RNF167: variants seen among roughly 807,000 people sequenced by gnomAD.
RNF167 encodes the protein E3 ubiquitin-protein ligase RNF167.
A neutral mutation model predicts 34.8 loss-of-function variants in RNF167; 19 were observed. That is an observed-to-expected ratio of 0.55 (90% CI 0.38 to 0.80). RNF167 has a LOEUF of 0.80. Ranked by LOEUF, RNF167 falls within the 30% of genes least tolerant of loss-of-function variation. The pLI is 0.00. For missense variants in RNF167, 464 were observed against 447.0 expected, an observed-to-expected ratio of 1.04 and a Z score of -0.34; for synonymous variants, 200 against 170.4, an observed-to-expected ratio of 1.17 and a Z score of -1.35.
intron 3 of RNF167, among the ~76,000 whole-genome samples, chr17:4,942,060 G>A (rs1034447269): frequency 1.3e-5 from 2 of 152,152 alleles, no homozygotes; most frequent in Admixed American, 6.5e-5. Flanking sequence ...ATATTAGAAG[G>A]CAAAAATAAT....
In RNF167 at chr17:4,940,688, G is replaced by A; in HGVS notation, c.-222G>A. 1 of 447,238 alleles carries A rather than the reference G, an allele frequency of 2.2e-6. No individual in the cohort carries two copies. Among genetic ancestry groups the A allele is most frequent in the Non-Finnish European group, 4.0e-6 (1 of 252,756 alleles). The allele number at this position is 447,238 out of a possible 1,614,324, so 27.7% of individuals were successfully genotyped here. On this transcript the variant is annotated 5_prime_UTR_variant, in exon 2 of 10. Transcript: ENST00000262482. ...CGCGTTTTATCCCCGTACCAGAAAA[G>A]GATACATTTAGTGCCTCCCACCCAG...
chr17:4,942,644 T>G lies in RNF167; in HGVS notation c.359T>G (p.Leu120Arg), dbSNP rs1319038206. 1.9e-6 allele frequency: 3 copies of G among 1,614,206 alleles called. No homozygotes were observed. Among genetic ancestry groups the G allele is most frequent in the Non-Finnish European group, 2.5e-6 (3 of 1,180,036 alleles). ...VVHNVNSNEL[L>R]NMVWNSEEIQ... ...CACAATGTGAATTCCAATGAACTTC[T>G]GAACATGGTGTGGAATAGTGGTAAG... The change falls in exon 5 of 10, where the codon CTG (leucine) becomes CGG (arginine). Residue 120 changes from leucine (L) to arginine (R), a missense_variant. Coordinates refer to ENST00000262482, the MANE Select transcript of RNF167 (RefSeq NM_015528.3).
chr17:4,941,200 C>T, intron 3 of RNF167, 43 bp downstream of exon 3: 1 of 1,520,002 alleles, frequency 6.6e-7, no homozygotes, highest in Non-Finnish European at 9.1e-7. Flanking sequence ...TCCCTTCCTT[C>T]CTTTTCTGTC....
intron 9 of RNF167, 34 bp from the exon 10 acceptor site, chr17:4,944,681 G>GCCACCAGGTGCTTCACCTTGTT: frequency 6.2e-7 from 1 of 1,614,140 alleles, no homozygotes; most frequent in East Asian, 2.2e-5. Context: ...GCCACCAGCA[G>GCCACCAGGTGCTTCACCTTGTT]CCACCAGGTG....
chr17:4,943,121 C>G lies in RNF167; in HGVS notation c.471-58C>G, dbSNP rs2151124291. On this transcript the variant is annotated intron_variant, in intron 6 of 9. Transcript: ENST00000262482. ...TTGTCCAGAGCCAGTTACTTTGTCCCTCTTTTTTTCTCCCTTTGCCTTTCT... is the reference window on the plus strand; with the variant it reads ...TTGTCCAGAGCCAGTTACTTTGTCCGTCTTTTTTTCTCCCTTTGCCTTTCT... 4.7e-6 allele frequency: 7 copies of G among 1,493,800 alleles called. No homozygotes were observed. In the South Asian group the frequency reaches 8.0e-5, roughly 17 times the overall value. The allele number at this position is 1,493,800 out of a possible 1,614,324, so 92.5% of individuals were successfully genotyped here. A position where few individuals can be genotyped will look rare whatever the true frequency, so the allele number is the denominator to read the frequency against.
Position 4,944,695 on chromosome 17 carries a change from C to T in RNF167, c.752-20C>T. 2.5e-6 allele frequency: 4 copies of T among 1,614,148 alleles called. No homozygotes were observed. The highest frequency in any genetic ancestry group is 3.4e-6 in the Non-Finnish European group (4 of 1,180,026). ...TGCCACCAGCAGCCACCAGGTGCTT[C>T]ACCTTGTTCCTCTCTGCAGCCTACC... On this transcript the variant is annotated intron_variant, in intron 9 of 9. Coordinates refer to ENST00000262482, the MANE Select transcript of RNF167 (RefSeq NM_015528.3).
chr17:4,943,305 G>A (rs1177928818), intron 7 of RNF167, 21 bp downstream of exon 7: 4 of 1,608,830 alleles, frequency 2.5e-6, no homozygotes, highest in Non-Finnish European at 2.6e-6. Context: ...GAGGGAACAT[G>A]ATGGGAAGCA....
At chr17:4,942,970 C>T (rs992168534) in intron 6 of RNF167, 29 bp downstream of exon 6, 3 of 1,603,010 alleles carry the variant, frequency 1.9e-6, no homozygotes, top group Admixed American at 3.3e-5. Flanking sequence ...TCCCATTCTT[C>T]CTTCAGCAAG....
At chr17:4,942,538 G>A (rs1970927721) in intron 4 of RNF167, 39 bp from the exon 5 acceptor site, 1 of 1,613,532 alleles carries the variant, frequency 6.2e-7, no homozygotes, top group Admixed American at 1.7e-5. Flanking sequence ...GACAGGTAAG[G>A]CCCATGATGG....
At chr17:4,942,280 C>G in intron 3 of RNF167, 61 bp from the exon 4 acceptor site, 1 of 1,589,600 alleles carries the variant, frequency 6.3e-7, no homozygotes, top group Non-Finnish European at 8.5e-7. Context: ...GTTTGGTGGC[C>G]CCTGTAGAGA....
In RNF167 at chr17:4,944,604, TG is replaced by T; in HGVS notation, c.721del (p.Asp241ThrfsTer84). ...CCATTTGCCTGGATGAATATGAGGA[TG>T]GGGACAAGCTGCGGGTACTCCCCTG... ...CAICLDEYEDGDKLRVLPCAH... is the reference protein window; with the variant it reads ...CAICLDEYEDXDKLRVLPCAH... On this transcript the variant is annotated frameshift_variant, in exon 9 of 10. Transcript: ENST00000262482. LOFTEE classifies it high-confidence loss of function. The T allele has an allele frequency of 6.2e-7, 1 of 1,611,992 alleles. No homozygotes were observed. The highest frequency in any genetic ancestry group is 8.5e-7 in the Non-Finnish European group (1 of 1,179,032).
Position 4,945,189 on chromosome 17 carries a change from C to T in RNF167, c.*173C>T. ...AAGCAGAGGGACTGGGTCTTCACTT[C>T]TTGGGCTAATAAAATTGTTTCTTTG... On this transcript the variant is annotated 3_prime_UTR_variant, in exon 10 of 10. Transcript: ENST00000262482. The T allele has an allele frequency of 1.8e-6, 1 of 545,838 alleles. No homozygotes were observed. The highest frequency in any genetic ancestry group is 3.1e-6 in the Non-Finnish European group (1 of 317,962). 33.8% of individuals were successfully genotyped at this position (545,838 alleles called of 1,614,324 possible). A position where few individuals can be genotyped will look rare whatever the true frequency, so the allele number is the denominator to read the frequency against.
At position 4,944,624 on chromosome 17, in the gene RNF167, T is replaced by TC; in HGVS notation, c.741dup (p.Cys248LeufsTer48). ...GAGGATGGGGACAAGCTGCGGGTACTCCCCTGTGCTCATGGTGAGGCCCTC... is the reference window on the plus strand; with the variant it reads ...GAGGATGGGGACAAGCTGCGGGTACTCCCCCTGTGCTCATGGTGAGGCCCTC... On this transcript the variant is annotated frameshift_variant, in exon 9 of 10. Coordinates refer to ENST00000262482, the MANE Select transcript of RNF167 (RefSeq NM_015528.3). LOFTEE classifies it high-confidence loss of function. 6.2e-7 allele frequency: 1 copy of TC among 1,613,462 alleles called. No individual in the cohort carries two copies. Among genetic ancestry groups the TC allele is most frequent in the Non-Finnish European group, 8.5e-7 (1 of 1,179,726 alleles).
At position 4,944,907 on chromosome 17, in the gene RNF167, CCA is replaced by C; in HGVS notation, c.946_947del (p.Thr316SerfsTer58). 1 of 1,613,830 alleles carries C rather than the reference CCA, an allele frequency of 6.2e-7. No individual in the cohort carries two copies. The highest frequency in any genetic ancestry group is 2.2e-5 in the East Asian group (1 of 44,880). On this transcript the variant is annotated frameshift_variant, in exon 10 of 10. Coordinates refer to ENST00000262482, the MANE Select transcript of RNF167 (RefSeq NM_015528.3). LOFTEE classifies it low-confidence loss of function (END_TRUNC). The stretch of plus-strand genomic sequence containing the variant: ...AGGACCCCACTTTTGGGTTCTAGCC[CCA>C]CTCTTCCCACCTCCTTTGGTTCCTT...
chr17:4,942,026 T>C (rs1160045016), intron 3 of RNF167, among the ~76,000 whole-genome samples: 4 of 152,028 alleles, frequency 2.6e-5, no homozygotes, highest in Admixed American at 1.3e-4. Flanking sequence ...ACATGGGTGG[T>C]TTGAGAATTG....
At chr17:4,941,240 C>T (rs1425095728) in intron 3 of RNF167, 83 bp downstream of exon 3, 7 of 1,280,096 alleles carry the variant, frequency 5.5e-6, no homozygotes, top group South Asian at 2.6e-5. Flanking sequence ...TTCGCAAGAT[C>T]CTCCATCCTA....
At position 4,942,887 on chromosome 17, in the gene RNF167, T is replaced by A. The variant is rs1970962109; in HGVS notation, c.416T>A (p.Phe139Tyr). The change falls in exon 6 of 10, where the codon TTT becomes TAT. Residue 139 changes from phenylalanine (F) to tyrosine (Y), a missense_variant. Physicochemically the swap from Phe to Tyr is conservative, Grantham distance 22. Transcript: ENST00000262482. Reference protein sequence around the residue: ...IQQQIWIPSVFIGERSSEYLR... With the variant: ...IQQQIWIPSVYIGERSSEYLR... Reference sequence around the variant, plus strand: ...CAGCAGATCTGGATCCCGTCTGTATTTATTGGGGAGAGAAGCTCCGAGTAC... The same window carrying A: ...CAGCAGATCTGGATCCCGTCTGTATATATTGGGGAGAGAAGCTCCGAGTAC... 6.2e-7 allele frequency: 1 copy of A among 1,614,040 alleles called. No homozygotes were observed. The highest frequency in any genetic ancestry group is 8.5e-7 in the Non-Finnish European group (1 of 1,180,036).
chr17:4,942,245 G>A, intron 3 of RNF167, 96 bp from the exon 4 acceptor site: 6 of 1,387,056 alleles, frequency 4.3e-6, no homozygotes, highest in Non-Finnish European at 6.0e-6. Context: ...TGAGGATAGA[G>A]GATGTGCAGC....
chr17:4,943,409 A>AC lies in RNF167; in HGVS notation c.577-12dup. ...TTTTGTTCCTAAGCCTTGTCCATCC[A>AC]CCCCCGCTTCCCCCAGATAGCTCGT... On this transcript the variant is annotated splice_polypyrimidine_tract_variant and intron_variant, in intron 7 of 9. Coordinates refer to ENST00000262482, the MANE Select transcript of RNF167 (RefSeq NM_015528.3). 1 of 1,610,740 alleles carries AC rather than the reference A, an allele frequency of 6.2e-7. No homozygotes were observed. Among genetic ancestry groups the AC allele is most frequent in the Non-Finnish European group, 8.5e-7 (1 of 1,178,342 alleles).
Sources: gnomAD v4.1 joint callset for allele counts (sites outside exome capture counted in the v4.1 genomes callset) on GRCh38, gnomAD v4.1.1 for gene constraint, MANE v1.5 for transcripts, NCBI Gene and HGNC (gene_info 2026-07-23, HGNC 2026-07-21) for gene names.